The following MARCHF11 variants were observed in gnomAD, a reference collection of about 807,000 sequenced individuals.
MARCHF11 encodes the protein E3 ubiquitin-protein ligase MARCHF11.
In MARCHF11, 29 loss-of-function variants were observed where a neutral mutation model predicts 37.3. The observed-to-expected ratio is 0.78, with a 90% CI of 0.58 to 1.06. The LOEUF (loss-of-function observed/expected upper bound fraction) is 1.06. MARCHF11 is among the 50% of genes least tolerant of loss of function. The probability of loss-of-function intolerance (pLI) is 0.00; values close to 1 mark genes in which losing one functional copy is unlikely to be tolerated. For missense variants in MARCHF11, 482 were observed against 533.4 expected, an observed-to-expected ratio of 0.90 and a Z score of 0.95; for synonymous variants, 233 against 228.0, an observed-to-expected ratio of 1.02 and a Z score of -0.20.
intron 2 of MARCHF11, among the ~76,000 whole-genome samples, chr5:16,112,161 G>C (rs549345123): frequency 6.6e-6 from 1 of 152,312 alleles, no homozygotes; most frequent in Non-Finnish European, 1.5e-5. Context: ...AGTCCCCACT[G>C]GGGCACTGTC....
At chr5:16,072,676 C>T (rs1475617128) in intron 3 of MARCHF11, among the ~76,000 whole-genome samples, 1 of 152,106 alleles carries the variant, frequency 6.6e-6, no homozygotes, top group Non-Finnish European at 1.5e-5. Flanking sequence ...TGTTATTTAG[C>T]TTTCCCAAGG....
intron 3 of MARCHF11, among the ~76,000 whole-genome samples, chr5:16,080,571 C>T (rs895273131): frequency 6.6e-6 from 1 of 152,198 alleles, no homozygotes; most frequent in African/African-American, 2.4e-5. Flanking sequence ...TGACCTTTCT[C>T]TCCCTTAGCC....
In MARCHF11 at chr5:16,121,873, G is replaced by A. The variant is rs780308668; in HGVS notation, c.694-30792C>T. On this transcript the variant is annotated intron_variant, in intron 2 of 3. Coordinates refer to ENST00000332432, the MANE Select transcript of MARCHF11 (RefSeq NM_001102562.3). ...TTATTGTAGCAATACTATCACAGCTGTCCATAATAACAGTGCTAACACTTT... is the reference window on the plus strand; with the variant it reads ...TTATTGTAGCAATACTATCACAGCTATCCATAATAACAGTGCTAACACTTT... Among the ~76,000 whole-genome samples, 33 of 152,278 alleles carry A rather than the reference G, an allele frequency of 2.2e-4. No homozygotes were observed. In the Middle Eastern group the frequency reaches 0.01, roughly 47 times the overall value.
At chr5:16,131,675 C>T (rs574380197) in intron 2 of MARCHF11, among the ~76,000 whole-genome samples, 1 of 152,270 alleles carries the variant, frequency 6.6e-6, no homozygotes, top group South Asian at 2.1e-4. Context: ...TCCTCTGATA[C>T]AATGACGAAG....
At chr5:16,107,667 A>G (rs951867830) in intron 2 of MARCHF11, among the ~76,000 whole-genome samples, 6 of 152,026 alleles carry the variant, frequency 3.9e-5, no homozygotes, top group Admixed American at 2.6e-4. Flanking sequence ...TTTTGTGCCC[A>G]AAAAGTTGCC....
intron 2 of MARCHF11, among the ~76,000 whole-genome samples, chr5:16,105,567 A>T (rs1270877553): frequency 6.6e-6 from 1 of 152,170 alleles, no homozygotes; most frequent in Non-Finnish European, 1.5e-5. Flanking sequence ...ATGTACTGAG[A>T]TACCCCAGCC....
intron 2 of MARCHF11, among the ~76,000 whole-genome samples, chr5:16,099,390 T>C (rs990664411): frequency 1.3e-5 from 2 of 152,184 alleles, no homozygotes; most frequent in Non-Finnish European, 2.9e-5. Flanking sequence ...ACTGTTTACA[T>C]ATTATAATGC....
At position 16,127,534 on chromosome 5, in the gene MARCHF11, A is replaced by G. The variant is rs1436098960; in HGVS notation, c.694-36453T>C. 2.6e-5 allele frequency among the ~76,000 whole-genome samples: 4 copies of G among 152,212 alleles called. No individual in the cohort carries two copies. In the East Asian group the frequency reaches 7.7e-4, roughly 29 times the overall value. On this transcript the variant is annotated intron_variant, in intron 2 of 3. Coordinates refer to ENST00000332432, the MANE Select transcript of MARCHF11 (RefSeq NM_001102562.3). ...AACACCTAACAAGGCATATCTGAAG[A>G]GATCTGGTGAACCGCCTGGGTCAAC...
chr5:16,072,543 T>C (rs1736456964), intron 3 of MARCHF11, among the ~76,000 whole-genome samples: 1 of 150,846 alleles, frequency 6.6e-6, no homozygotes. Flanking sequence ...TGTGTGTGTG[T>C]GTGTACATAC....
chr5:16,137,036 A>T (rs1347849438), intron 2 of MARCHF11, among the ~76,000 whole-genome samples: 3 of 152,198 alleles, frequency 2.0e-5, no homozygotes, highest in Non-Finnish European at 4.4e-5. Context: ...TAAAAATTAA[A>T]TAATAAAACA....
At chr5:16,086,628 T>C (rs975601382) in intron 3 of MARCHF11, among the ~76,000 whole-genome samples, 25 of 152,034 alleles carry the variant, frequency 1.6e-4, no homozygotes, top group African/African-American at 6.0e-4. Context: ...GATAACAGAG[T>C]TTTGGTTTGC....
At chr5:16,080,711 A>G (rs1052151163) in intron 3 of MARCHF11, among the ~76,000 whole-genome samples, 4 of 152,022 alleles carry the variant, frequency 2.6e-5, no homozygotes, top group Admixed American at 2.6e-4. Flanking sequence ...GCTGATCACC[A>G]TATCTTGTGA....
At chr5:16,153,638 A>G (rs947400548) in intron 2 of MARCHF11, among the ~76,000 whole-genome samples, 12 of 152,030 alleles carry the variant, frequency 7.9e-5, no homozygotes, top group African/African-American at 2.9e-4. Flanking sequence ...ATGGATGTAC[A>G]TATTGATAGA....
At chr5:16,158,810 A>G (rs1415183612) in intron 2 of MARCHF11, among the ~76,000 whole-genome samples, 1 of 151,938 alleles carries the variant, frequency 6.6e-6, no homozygotes. Flanking sequence ...CCCATCACCT[A>G]GATATTAAGC....
chr5:16,142,223 G>A (rs1737718000), intron 2 of MARCHF11, among the ~76,000 whole-genome samples: 1 of 152,202 alleles, frequency 6.6e-6, no homozygotes, highest in Admixed American at 6.5e-5. Flanking sequence ...TCATGTTTTA[G>A]AGGCAAGCCA....
chr5:16,160,422 T>C (rs922300575), intron 2 of MARCHF11, among the ~76,000 whole-genome samples: 52 of 146,570 alleles, frequency 3.5e-4, no homozygotes, highest in Non-Finnish European at 5.7e-4. Flanking sequence ...AATTTTATAT[T>C]TATAATAAAA....
intron 2 of MARCHF11, among the ~76,000 whole-genome samples, chr5:16,109,687 G>A (rs1055941645): frequency 3.3e-5 from 5 of 152,206 alleles, no homozygotes; most frequent in African/African-American, 4.8e-5. Flanking sequence ...ACAACTTATA[G>A]CCAGTCATTA....
chr5:16,171,885 A>G (rs933261479), intron 2 of MARCHF11, among the ~76,000 whole-genome samples: 1 of 152,196 alleles, frequency 6.6e-6, no homozygotes, highest in Non-Finnish European at 1.5e-5. Flanking sequence ...CTTCTACAGG[A>G]AGCTGTGTGG....
At chr5:16,150,683 C>T (rs1241904427) in intron 2 of MARCHF11, among the ~76,000 whole-genome samples, 1 of 151,990 alleles carries the variant, frequency 6.6e-6, no homozygotes, top group East Asian at 1.9e-4. Context: ...AATCCCATGC[C>T]CTCCACCTCT....
Sources: gnomAD v4.1 joint callset for allele counts (sites outside exome capture counted in the v4.1 genomes callset) on GRCh38, gnomAD v4.1.1 for gene constraint, MANE v1.5 for transcripts, NCBI Gene and HGNC (gene_info 2026-07-23, HGNC 2026-07-21) for gene names.